Variants in LCLAT1 observed in about 807,000 individuals in gnomAD.
LCLAT1 encodes 1-AGP acyltransferase 8.
A neutral mutation model predicts 30.7 loss-of-function variants in LCLAT1; 11 were observed. The observed-to-expected ratio is 0.36, with a 90% CI of 0.23 to 0.59. LCLAT1 has a LOEUF of 0.59. LCLAT1 is among the 20% of genes least tolerant of loss of function. The pLI is 0.77. For synonymous variants in LCLAT1, 155 were observed against 151.3 expected (o/e 1.02, Z -0.18); for missense variants, 402 against 458.6 (o/e 0.88, Z 1.13).
chr2:30,544,731 G>C (rs1289270276), intron 3 of LCLAT1, among the ~76,000 whole-genome samples: 2 of 152,056 alleles, frequency 1.3e-5, no homozygotes, highest in African/African-American at 2.4e-5. Flanking sequence ...GGCCCACTTT[G>C]GATATTGGTT....
chr2:30,607,864 TGTGTGTGTGTGTGTGTGTGTGTGTG>T (rs1667530200), intron 5 of LCLAT1: 6 of 78,044 alleles, frequency 7.7e-5, no homozygotes, highest in Non-Finnish European at 1.6e-4. Context: ...TGTGTGTGTG[TGTGTGTGTGTGTGTGTGTGTGTGTG>T]TGTGTGTGTG....
chr2:30,563,415 T>G (rs1665332425), intron 4 of LCLAT1, among the ~76,000 whole-genome samples: 1 of 152,110 alleles, frequency 6.6e-6, no homozygotes, highest in Admixed American at 6.5e-5. Context: ...GGAGGGGTGA[T>G]GGTGGGGGCA....
At chr2:30,603,897 G>A (rs187189994) in intron 5 of LCLAT1, among the ~76,000 whole-genome samples, 2 of 152,182 alleles carry the variant, frequency 1.3e-5, no homozygotes, top group East Asian at 3.9e-4. Flanking sequence ...TTAGTGACAG[G>A]TCTCTAGAAA....
chr2:30,629,376 G>A (rs371695957), intron 5 of LCLAT1, among the ~76,000 whole-genome samples: 28 of 152,056 alleles, frequency 1.8e-4, no homozygotes, highest in East Asian at 7.7e-4. Flanking sequence ...CCTGGCCAAC[G>A]TGGCGAAACC....
intron 5 of LCLAT1, among the ~76,000 whole-genome samples, chr2:30,588,058 C>T (rs1187172372): frequency 6.6e-6 from 1 of 152,238 alleles, no homozygotes; most frequent in African/African-American, 2.4e-5. Flanking sequence ...CTCTGACCCT[C>T]TGGTAGAAGC....
intron 5 of LCLAT1, among the ~76,000 whole-genome samples, chr2:30,581,143 T>A (rs1326485191): frequency 6.6e-6 from 1 of 152,182 alleles, no homozygotes; most frequent in African/African-American, 2.4e-5. Context: ...AGAGCATTGC[T>A]GAGCTCTCAA....
At chr2:30,465,149 T>C (rs983544757) in intron 1 of LCLAT1, among the ~76,000 whole-genome samples, 2 of 152,254 alleles carry the variant, frequency 1.3e-5, no homozygotes, top group Non-Finnish European at 2.9e-5. Flanking sequence ...ATTGAGGATC[T>C]TGATGTCTAG....
intron 1 of LCLAT1, among the ~76,000 whole-genome samples, chr2:30,517,241 A>G (rs963090836): frequency 2.6e-5 from 4 of 151,968 alleles, no homozygotes; most frequent in African/African-American, 9.7e-5. Context: ...AGCAAGTTGT[A>G]TCTCCAAAGG....
chr2:30,583,856 G>T (rs1428037128), intron 5 of LCLAT1, among the ~76,000 whole-genome samples: 1 of 152,004 alleles, frequency 6.6e-6, no homozygotes, highest in Non-Finnish European at 1.5e-5. Flanking sequence ...TTTTCATGTT[G>T]AATTAGGTGG....
chr2:30,594,665 G>T (rs2148482372), intron 5 of LCLAT1, among the ~76,000 whole-genome samples: 1 of 152,322 alleles, frequency 6.6e-6, no homozygotes, highest in African/African-American at 2.4e-5. Flanking sequence ...TAACTATTAT[G>T]TGGGAGGGTC....
intron 5 of LCLAT1, among the ~76,000 whole-genome samples, chr2:30,611,508 G>C (rs990462048): frequency 2.6e-5 from 4 of 152,102 alleles, no homozygotes; most frequent in African/African-American, 9.7e-5. Flanking sequence ...AGGTTTCTAA[G>C]AGTTGTTAAC....
intron 5 of LCLAT1, among the ~76,000 whole-genome samples, chr2:30,568,634 A>G (rs1236522548): frequency 6.7e-6 from 1 of 149,944 alleles, no homozygotes; most frequent in African/African-American, 2.5e-5. Context: ...CAGCCTCCCA[A>G]GTAGCTGGGA....
intron 1 of LCLAT1, among the ~76,000 whole-genome samples, chr2:30,504,099 T>TGTGTG (rs56740785): frequency 6.6e-6 from 1 of 151,730 alleles, no homozygotes; most frequent in African/African-American, 2.4e-5. Context: ...TGTGTGTGTG[T>TGTGTG]TTATATATGT....
chr2:30,617,180 C>T (rs1384520741), intron 5 of LCLAT1, among the ~76,000 whole-genome samples: 1 of 152,298 alleles, frequency 6.6e-6, no homozygotes, highest in Non-Finnish European at 1.5e-5. Context: ...CTATGTACCT[C>T]TGCAGTCAGG....
intron 1 of LCLAT1, among the ~76,000 whole-genome samples, chr2:30,496,612 G>A (rs1684130812): frequency 1.3e-5 from 2 of 152,198 alleles, no homozygotes; most frequent in South Asian, 2.1e-4. Flanking sequence ...AAATGAGAGT[G>A]TAATGGAAAG....
chr2:30,456,837 G>A (rs549400789), intron 1 of LCLAT1, among the ~76,000 whole-genome samples: 1 of 152,204 alleles, frequency 6.6e-6, no homozygotes, highest in South Asian at 2.1e-4. Context: ...CAGGATTTTT[G>A]GTTGTACTTA....
At chr2:30,624,064 TGAGA>T (rs1051591274) in intron 5 of LCLAT1, among the ~76,000 whole-genome samples, 1 of 152,164 alleles carries the variant, frequency 6.6e-6, no homozygotes, top group African/African-American at 2.4e-5. Context: ...AAACAAATGC[TGAGA>T]GAATTTGCCA....
chr2:30,594,397 C>G (rs1173733541), intron 5 of LCLAT1, among the ~76,000 whole-genome samples: 2 of 152,168 alleles, frequency 1.3e-5, no homozygotes, highest in Non-Finnish European at 2.9e-5. Flanking sequence ...ATTTATTCTA[C>G]TTCCTTTATC....
chr2:30,568,233 TTATA>T (rs1435492692), intron 5 of LCLAT1, 57 bp downstream of exon 5: 12 of 830,432 alleles, frequency 1.4e-5, no homozygotes, highest in Non-Finnish European at 2.0e-5. Flanking sequence ...TTGCTAAGCT[TTATA>T]TATAGCCCTT....
Sources: gnomAD v4.1 joint callset for allele counts (sites outside exome capture counted in the v4.1 genomes callset) on GRCh38, gnomAD v4.1.1 for gene constraint, MANE v1.5 for transcripts, NCBI Gene and HGNC (gene_info 2026-07-23, HGNC 2026-07-21) for gene names.